The following TTLL11 variants were observed in gnomAD, a reference collection of about 807,000 sequenced individuals.
TTLL11 encodes tubulin tyrosine ligase like 11.
A neutral mutation model predicts 51.7 loss-of-function variants in TTLL11; 42 were observed. That is an observed-to-expected ratio of 0.81 (90% CI 0.64 to 1.05). TTLL11 has a LOEUF of 1.05. TTLL11 is among the 50% of genes least tolerant of loss of function. The pLI, the probability that TTLL11 is intolerant of heterozygous loss-of-function variation, is 0.00. For missense variants in TTLL11, 799 were observed against 940.4 expected, an observed-to-expected ratio of 0.85 and a Z score of 1.97; for synonymous variants, 381 against 383.5, an observed-to-expected ratio of 0.99 and a Z score of 0.08.
At chr9:121,826,527 A>ATGTG (rs1201618732) in intron 8 of TTLL11, among the ~76,000 whole-genome samples, 5 of 47,834 alleles carry the variant, frequency 1.0e-4, no homozygotes, top group African/African-American at 4.2e-4. Context: ...ATATATATAT[A>ATGTG]TGTGTGTGTG....
chr9:122,060,336 C>T (rs185061564), intron 1 of TTLL11, among the ~76,000 whole-genome samples: 217 of 152,340 alleles, frequency 1.4e-3, no homozygotes, highest in African/African-American at 4.8e-3. Flanking sequence ...TACCTTTTCA[C>T]ATGTAGTCTC....
At chr9:122,035,374 C>T (rs1209315330) in intron 2 of TTLL11, among the ~76,000 whole-genome samples, 1 of 152,222 alleles carries the variant, frequency 6.6e-6, no homozygotes, top group Non-Finnish European at 1.5e-5. Flanking sequence ...TTACCTCCTG[C>T]CCCTCCTTCT....
intron 8 of TTLL11, among the ~76,000 whole-genome samples, chr9:121,832,704 C>T (rs1167156840): frequency 1.3e-5 from 2 of 152,118 alleles, no homozygotes; most frequent in Non-Finnish European, 2.9e-5. Context: ...CTTTGAGAGG[C>T]CAAAGTGGGT....
intron 6 of TTLL11, among the ~76,000 whole-genome samples, chr9:121,950,866 T>G (rs1031914120): frequency 1.3e-5 from 2 of 152,000 alleles, no homozygotes; most frequent in East Asian, 3.9e-4. Flanking sequence ...TGGAGTAAAA[T>G]GAGGACAATA....
At position 121,822,682 on chromosome 9, in the gene TTLL11, C is replaced by T; in HGVS notation, c.2038G>A (p.Glu680Lys). 3 of 1,547,498 alleles carry T rather than the reference C, an allele frequency of 1.9e-6. No individual in the cohort carries two copies. Among genetic ancestry groups the T allele is most frequent in the Non-Finnish European group, 2.6e-6 (3 of 1,145,904 alleles). ...GCTGGCTGGGCCGAGGGGGAGGGCTCCTGGGGAGGGCCACGGTGTGGGGGC... is the reference window on the plus strand; with the variant it reads ...GCTGGCTGGGCCGAGGGGGAGGGCTTCTGGGGAGGGCCACGGTGTGGGGGC... ...GRPPHRGPPQ[E>K]PSPSAQPAGD... Residue 680 changes from glutamate (E) to lysine (K), a missense_variant, in exon 9 of 9, where the codon GAG (glutamate) becomes AAG (lysine). This residue lies in a region of TTLL11 where 165 missense variants were observed against 166.1 expected (regional missense o/e 0.99). Transcript: ENST00000321582. The surrounding 1 kb of genome is among the most constrained non-coding windows in gnomAD (Gnocchi z 5.8).
intron 8 of TTLL11, among the ~76,000 whole-genome samples, chr9:121,838,606 C>CTA (rs934710389): frequency 3.6e-4 from 55 of 152,184 alleles, no homozygotes; most frequent in African/African-American, 1.3e-3. Flanking sequence ...GTAGTCCCAG[C>CTA]TACTCAGGAG....
chr9:121,892,269 A>G (rs1839273228), intron 6 of TTLL11, among the ~76,000 whole-genome samples: 1 of 151,266 alleles, frequency 6.6e-6, no homozygotes, highest in Non-Finnish European at 1.5e-5. Flanking sequence ...GACATTGGAA[A>G]CTCTTACTGG....
chr9:122,081,197 G>C (rs1845996638), intron 1 of TTLL11, among the ~76,000 whole-genome samples: 2 of 152,218 alleles, frequency 1.3e-5, no homozygotes, highest in South Asian at 2.1e-4. Flanking sequence ...TATTTCTAAA[G>C]GGGCCAGGAA....
chr9:121,923,533 G>T (rs539225368), intron 6 of TTLL11, among the ~76,000 whole-genome samples: 2 of 152,242 alleles, frequency 1.3e-5, no homozygotes, highest in East Asian at 3.9e-4. Context: ...TTAAAATCAA[G>T]TGAAATCAGT....
intron 1 of TTLL11, among the ~76,000 whole-genome samples, chr9:122,053,320 G>A (rs932134386): frequency 3.9e-5 from 6 of 152,166 alleles, no homozygotes; most frequent in Non-Finnish European, 5.9e-5. Flanking sequence ...GGAGCGGGGC[G>A]TGAAGTAGGC....
intron 8 of TTLL11, among the ~76,000 whole-genome samples, chr9:121,843,908 A>G (rs1267232466): frequency 1.3e-5 from 2 of 152,142 alleles, no homozygotes; most frequent in Non-Finnish European, 2.9e-5. Context: ...TCCTAAACTC[A>G]CATGATCTTC....
chr9:121,827,143 A>G (rs1003369498), intron 8 of TTLL11, among the ~76,000 whole-genome samples: 3 of 152,118 alleles, frequency 2.0e-5, no homozygotes, highest in Admixed American at 6.5e-5. Context: ...ATAGTGATAG[A>G]AACTGTGAGG....
At chr9:121,924,125 A>G (rs1291716759) in intron 6 of TTLL11, among the ~76,000 whole-genome samples, 4 of 152,160 alleles carry the variant, frequency 2.6e-5, no homozygotes, top group Admixed American at 6.5e-5. Context: ...ACCCAGTCTC[A>G]GGTATGTCTT....
chr9:121,833,040 C>T (rs1259135245), intron 8 of TTLL11, among the ~76,000 whole-genome samples: 1 of 152,084 alleles, frequency 6.6e-6, no homozygotes, highest in Non-Finnish European at 1.5e-5. Context: ...ACAATACCGG[C>T]CTTGCAGCGA....
chr9:122,061,826 TG>T (rs1845441176), intron 1 of TTLL11, among the ~76,000 whole-genome samples: 1 of 152,034 alleles, frequency 6.6e-6, no homozygotes. Context: ...TTAGTAGAGA[TG>T]GGGTTTCACC....
At position 122,002,944 on chromosome 9, in the gene TTLL11, C is replaced by CAAA. The variant is rs547408355; in HGVS notation, c.694-13177_694-13175dup. Among the ~76,000 whole-genome samples, 268 of 61,162 alleles carry CAAA rather than the reference C, an allele frequency of 4.4e-3. 4 individuals carry two copies. The highest frequency in any genetic ancestry group is 8.5e-3 in the Middle Eastern group (1 of 118). 40.1% of individuals were successfully genotyped at this position (61,162 alleles called of 152,430 possible). A position where few individuals can be genotyped will look rare whatever the true frequency, so the allele number is the denominator to read the frequency against. ...CTGGCAACAGAGTGAGACTCTGTCT[C>CAAA]AAAAAAAAAAAAAAAAAAAAGAGAT... On this transcript the variant is annotated intron_variant, in intron 3 of 8. Transcript: ENST00000321582.
At chr9:121,881,233 T>G (rs1340358650) in intron 6 of TTLL11, among the ~76,000 whole-genome samples, 3 of 152,226 alleles carry the variant, frequency 2.0e-5, no homozygotes, top group African/African-American at 7.2e-5. Flanking sequence ...CAAAGCATTT[T>G]AGTGTTTAAA....
At chr9:121,924,901 G>A (rs1588128694) in intron 6 of TTLL11, among the ~76,000 whole-genome samples, 1 of 152,112 alleles carries the variant, frequency 6.6e-6, no homozygotes, top group African/African-American at 2.4e-5. Context: ...ACAAGGGGCT[G>A]GAAGTGAGCC....
chr9:121,940,250 G>A (rs1841397559), intron 6 of TTLL11, among the ~76,000 whole-genome samples: 1 of 151,974 alleles, frequency 6.6e-6, no homozygotes, highest in South Asian at 2.1e-4. Context: ...GAAATTATGG[G>A]AAGCCTACAG....
Sources: gnomAD v4.1 joint callset for allele counts (sites outside exome capture counted in the v4.1 genomes callset) on GRCh38, gnomAD v4.1.1 for gene constraint, gnomAD v4.1.1 regional missense constraint, Gnocchi (gnomAD v3.1) non-coding constraint, MANE v1.5 for transcripts, NCBI Gene and HGNC (gene_info 2026-07-23, HGNC 2026-07-21) for gene names.